SHISAL1: variants seen among roughly 807,000 people sequenced by gnomAD.
The protein encoded by SHISAL1 is protein shisa-like-1.
Under a neutral mutation model 22.6 loss-of-function variants are expected in SHISAL1, and 9 were observed. That is an observed-to-expected ratio of 0.40 (90% CI 0.24 to 0.70). The LOEUF (loss-of-function observed/expected upper bound fraction) is 0.70. Among genes scored for constraint, SHISAL1 ranks in the 30% least tolerant of loss-of-function variants. The probability of loss-of-function intolerance (pLI) is 0.39; values close to 1 mark genes in which losing one functional copy is unlikely to be tolerated. For synonymous variants in SHISAL1, 119 were observed against 115.4 expected (o/e 1.03, Z -0.20); for missense variants, 246 against 270.6 (o/e 0.91, Z 0.64).
chr22:44,307,220 C>T (rs149865636), intron 1 of SHISAL1, among the ~76,000 whole-genome samples: 348 of 152,230 alleles, frequency 2.3e-3, no homozygotes, highest in Admixed American at 4.4e-3. Context: ...CCACCTGGGG[C>T]TGCTGACCCA....
intron 4 of SHISAL1, among the ~76,000 whole-genome samples, chr22:44,265,161 C>T (rs1216870083): frequency 6.6e-6 from 1 of 152,210 alleles, no homozygotes; most frequent in African/African-American, 2.4e-5. Context: ...CTACCTTCAG[C>T]TACTCACACC....
intron 4 of SHISAL1, among the ~76,000 whole-genome samples, chr22:44,257,236 GCAAC>G (rs2055090729): frequency 6.6e-6 from 1 of 152,206 alleles, no homozygotes; most frequent in Non-Finnish European, 1.5e-5. Context: ...GCTCACAAGG[GCAAC>G]ATAGGTACAA....
intron 4 of SHISAL1, among the ~76,000 whole-genome samples, chr22:44,252,088 T>C (rs1374814154): frequency 3.3e-5 from 5 of 152,162 alleles, no homozygotes; most frequent in African/African-American, 1.2e-4. Context: ...CTAAAGATTA[T>C]GACCATCACA....
At chr22:44,303,740 C>A (rs987770126) in intron 1 of SHISAL1, among the ~76,000 whole-genome samples, 1 of 152,168 alleles carries the variant, frequency 6.6e-6, no homozygotes, top group Non-Finnish European at 1.5e-5. Context: ...TGGGTCCACA[C>A]GAGGAAGCTC....
intron 4 of SHISAL1, among the ~76,000 whole-genome samples, chr22:44,252,271 A>G (rs763693699): frequency 1.4e-5 from 2 of 147,406 alleles, no homozygotes; most frequent in East Asian, 2.1e-4. Context: ...CAAAAAATAT[A>G]GTCAACTAAA....
At chr22:44,302,248 G>A (rs1002498637) in intron 1 of SHISAL1, among the ~76,000 whole-genome samples, 1 of 151,682 alleles carries the variant, frequency 6.6e-6, no homozygotes, top group Non-Finnish European at 1.5e-5. Context: ...GCCAAGGCGG[G>A]AGAACAGCTT....
At chr22:44,283,997 T>A (rs1252835410) in intron 4 of SHISAL1, among the ~76,000 whole-genome samples, 2 of 151,894 alleles carry the variant, frequency 1.3e-5, no homozygotes, top group African/African-American at 4.8e-5. Context: ...TCTCTACCCA[T>A]CACCTCCACA....
At chr22:44,261,255 T>A (rs1009311646) in intron 4 of SHISAL1, among the ~76,000 whole-genome samples, 2 of 151,904 alleles carry the variant, frequency 1.3e-5, no homozygotes, top group Admixed American at 6.5e-5. Flanking sequence ...TTCGGTTTTG[T>A]GGTCTCCACT....
chr22:44,285,841 G>T, intron 3 of SHISAL1, 96 bp from the exon 4 acceptor site: 1 of 1,093,280 alleles, frequency 9.1e-7, no homozygotes, highest in Non-Finnish European at 1.4e-6. Context: ...GTGTCCTGGG[G>T]CTATGTTGGG....
intron 1 of SHISAL1, among the ~76,000 whole-genome samples, chr22:44,302,382 G>A (rs2055437128): frequency 6.6e-6 from 1 of 150,954 alleles, no homozygotes; most frequent in Admixed American, 6.6e-5. Flanking sequence ...AGTTAAAGTA[G>A]TAAGTTCTCT....
intron 4 of SHISAL1, among the ~76,000 whole-genome samples, chr22:44,263,060 C>A (rs184749812): frequency 8.5e-6 from 1 of 118,256 alleles, no homozygotes; most frequent in African/African-American, 3.0e-5. Context: ...GGAGCCTTCA[C>A]GTATTTTTTT....
At chr22:44,266,560 T>TGTGTGTGTGTGTGTGTG (rs1396384156) in intron 4 of SHISAL1, among the ~76,000 whole-genome samples, 2 of 82,968 alleles carry the variant, frequency 2.4e-5, no homozygotes, top group Non-Finnish European at 2.7e-5. Flanking sequence ...GTGTGTGTGT[T>TGTGTGTGTGTGTGTGTG]GGAGGGCTCT....
At chr22:44,319,918 G>T in the SHISAL1 span, among the ~76,000 whole-genome samples, 1 of 152,052 alleles carries the variant, frequency 6.6e-6, no homozygotes, top group African/African-American at 2.4e-5. Flanking sequence ...AGGGATGGGC[G>T]GCGGGGTGGG....
At chr22:44,269,917 C>T (rs150407921) in intron 4 of SHISAL1, among the ~76,000 whole-genome samples, 2 of 152,350 alleles carry the variant, frequency 1.3e-5, no homozygotes, top group East Asian at 1.9e-4. Context: ...TCAGCAGCAA[C>T]ACCACGTGTC....
chr22:44,283,306 GAA>G (rs2055289428), intron 4 of SHISAL1, among the ~76,000 whole-genome samples: 1 of 152,254 alleles, frequency 6.6e-6, no homozygotes, highest in Non-Finnish European at 1.5e-5. Context: ...GCTCCAAAAG[GAA>G]AAGTGTCCCA....
At chr22:44,302,555 G>T (rs1221775714) in intron 1 of SHISAL1, among the ~76,000 whole-genome samples, 2 of 152,270 alleles carry the variant, frequency 1.3e-5, no homozygotes, top group Admixed American at 6.5e-5. Context: ...GCAGACCTTT[G>T]AGTGAGGCGG....
chr22:44,264,810 T>C (rs1393035083), intron 4 of SHISAL1, among the ~76,000 whole-genome samples: 1 of 146,682 alleles, frequency 6.8e-6, no homozygotes, highest in African/African-American at 2.5e-5. Context: ...TCACAAGCCA[T>C]GTGACCTTGG....
chr22:44,278,664 A>C (rs1234687586), intron 4 of SHISAL1, among the ~76,000 whole-genome samples: 2 of 152,288 alleles, frequency 1.3e-5, no homozygotes, highest in East Asian at 3.9e-4. Context: ...AGAGGGGTCA[A>C]GGAGTTGTGT....
At position 44,255,246 on chromosome 22, in the gene SHISAL1, G is replaced by C. The variant is rs181258365; in HGVS notation, c.*-5561C>G. Among the ~76,000 whole-genome samples the C allele has an allele frequency of 1.1e-3, 173 of 152,218 alleles. 1 individual carries two copies. Among genetic ancestry groups the C allele is most frequent in the African/African-American group, 4.0e-3 (167 of 41,530 alleles). ...CTGTTGCCCAGGCTGGAGATATGTT[G>C]ATGACTTTTGACCCTCAAACTCTCA... On this transcript the variant is annotated intron_variant, in intron 4 of 4. Coordinates refer to ENST00000381176, the MANE Select transcript of SHISAL1 (RefSeq NM_001099294.2).
Sources: allele counts gnomAD v4.1 joint callset (sites outside exome capture counted in the v4.1 genomes callset), GRCh38; gene constraint gnomAD v4.1.1; transcripts MANE v1.5; gene names NCBI Gene and HGNC (gene_info 2026-07-23, HGNC 2026-07-21).